Variants in ESF1 observed in about 807,000 individuals in gnomAD.
ESF1 encodes the protein ESF1 nucleolar pre-rRNA processing protein, also known as ESF1 homolog.
ESF1 carries 58 observed loss-of-function variants against 92.0 expected under a neutral mutation model. The ratio of observed to expected loss-of-function variants is 0.63; its 90% CI spans 0.51 to 0.78. The LOEUF (loss-of-function observed/expected upper bound fraction) is 0.78. Ranked by LOEUF, ESF1 falls within the 30% of genes least tolerant of loss-of-function variation. ESF1 has a pLI of 0.00. For synonymous variants in ESF1, 321 were observed against 313.7 expected (o/e 1.02, Z -0.24); for missense variants, 922 against 989.1 (o/e 0.93, Z 0.91).
In ESF1 at chr20:13,783,151, T is replaced by C; in HGVS notation, c.-11A>G. The C allele has an allele frequency of 6.3e-7, 1 of 1,588,232 alleles. No homozygotes were observed. Among genetic ancestry groups the C allele is most frequent in the Non-Finnish European group, 8.6e-7 (1 of 1,164,950 alleles). ...TTGTTTGGATGACATTTTTAATTCT[T>C]AATCTCGACCAAATGCTTGAAGAAA... On this transcript the variant is annotated 5_prime_UTR_variant, in exon 2 of 14. Transcript: ENST00000617257.
At chr20:13,752,728 G>A (rs373836573) in intron 9 of ESF1, among the ~76,000 whole-genome samples, 7 of 152,344 alleles carry the variant, frequency 4.6e-5, no homozygotes, top group African/African-American at 1.7e-4. Flanking sequence ...AAGCTACTCA[G>A]TGGAACAACT....
chr20:13,741,419 AG>A (rs1221948177), intron 9 of ESF1, among the ~76,000 whole-genome samples: 1 of 152,286 alleles, frequency 6.6e-6, no homozygotes, highest in Non-Finnish European at 1.5e-5. Context: ...TTCTTCATCC[AG>A]TTTTCTGAAG....
chr20:13,714,647 T>C lies in ESF1; in HGVS notation c.*227A>G, dbSNP rs1015260081. The C allele has an allele frequency of 7.4e-6, 3 of 405,548 alleles. No individual in the cohort carries two copies. The highest frequency in any genetic ancestry group is 1.3e-5 in the Non-Finnish European group (3 of 228,968). The allele number at this position is 405,548 out of a possible 1,614,324, so 25.1% of individuals were successfully genotyped here. ...AAATATAAAAATTTTATAAACCCTA[T>C]AATGCAGGTAATTTAATTATGACTG... is the stretch of plus-strand genomic sequence containing the variant. On this transcript the variant is annotated 3_prime_UTR_variant, in exon 14 of 14. Transcript: ENST00000617257.
In ESF1 at chr20:13,772,623, G is replaced by GA. The variant is rs1568727871; in HGVS notation, c.1150-9dup. On this transcript the variant is annotated splice_polypyrimidine_tract_variant and intron_variant, in intron 4 of 13. Transcript: ENST00000617257. ...AAATTCTGAAGGATATATCTAAACA[G>GA]AAAAAAATAGGATCAATGTAATTTG... is the stretch of plus-strand genomic sequence containing the variant. 2 of 1,567,382 alleles carry GA rather than the reference G, an allele frequency of 1.3e-6. No homozygotes were observed. The highest frequency in any genetic ancestry group is 8.8e-7 in the Non-Finnish European group (1 of 1,140,332).
chr20:13,781,672 C>G (rs990885398), intron 2 of ESF1, among the ~76,000 whole-genome samples: 3 of 152,186 alleles, frequency 2.0e-5, no homozygotes, highest in Non-Finnish European at 4.4e-5. Context: ...CCTGGGAGCT[C>G]TGTGTGTCCA....
chr20:13,723,032 A>T (rs1185955701), intron 11 of ESF1, among the ~76,000 whole-genome samples: 4 of 152,216 alleles, frequency 2.6e-5, no homozygotes, highest in Non-Finnish European at 5.9e-5. Flanking sequence ...AAAAAATGTA[A>T]CAGAATACAT....
intron 9 of ESF1, among the ~76,000 whole-genome samples, chr20:13,737,190 G>C (rs561563622): frequency 1.5e-4 from 23 of 152,224 alleles, no homozygotes; most frequent in South Asian, 2.1e-4. Flanking sequence ...CATATCCAAG[G>C]ACTTCTGAAT....
At chr20:13,745,102 G>A (rs887018542) in intron 9 of ESF1, among the ~76,000 whole-genome samples, 1 of 152,166 alleles carries the variant, frequency 6.6e-6, no homozygotes, top group African/African-American at 2.4e-5. Context: ...GAAAAAGCCT[G>A]ATAATATCAG....
At chr20:13,776,542 A>C (rs1240616628) in intron 2 of ESF1, among the ~76,000 whole-genome samples, 2 of 152,202 alleles carry the variant, frequency 1.3e-5, no homozygotes, top group Non-Finnish European at 2.9e-5. Flanking sequence ...CCAGACATTC[A>C]TTCAATACTT....
intron 7 of ESF1, 147 bp downstream of exon 7, chr20:13,769,760 T>A (rs752959065): frequency 1.6e-6 from 1 of 640,944 alleles, no homozygotes; most frequent in Non-Finnish European, 2.7e-6. Flanking sequence ...CACTCCAGCC[T>A]GGGTGAGAGA....
At chr20:13,776,615 A>G (rs1979955607) in intron 2 of ESF1, among the ~76,000 whole-genome samples, 1 of 152,214 alleles carries the variant, frequency 6.6e-6, no homozygotes, top group Non-Finnish European at 1.5e-5. Context: ...AGAAGCAAAC[A>G]GTGCTCTCAG....
intron 10 of ESF1, among the ~76,000 whole-genome samples, chr20:13,731,958 CT>C (rs1418181476): frequency 8.3e-4 from 126 of 152,346 alleles, no homozygotes; most frequent in Non-Finnish European, 1.8e-4. Flanking sequence ...TCCCCCATAC[CT>C]TACCCTATTT....
At chr20:13,722,913 T>C (rs2049877570) in intron 11 of ESF1, among the ~76,000 whole-genome samples, 1 of 151,912 alleles carries the variant, frequency 6.6e-6, no homozygotes. Context: ...AAAATACATA[T>C]GGATTGATTC....
rs979843227 is a variant in ESF1, at chr20:13,775,259, T to G, written c.1047A>C (p.Arg349=). ...CCCAGTCCATGTTACAAACTGCTAA[T>G]CGACGTGTAATCTGAGAAATGAGAA... ...DAPRADEITR[R]LAVCNMDWDR... The change falls in exon 4 of 14, where the codon CGA becomes CGC. Residue 349 remains arginine (R), a synonymous_variant. Coordinates refer to ENST00000617257, the MANE Select transcript of ESF1 (RefSeq NM_001276380.2). 6.3e-6 allele frequency: 10 copies of G among 1,599,786 alleles called. No individual in the cohort carries two copies. Among genetic ancestry groups the G allele is most frequent in the African/African-American group, 1.3e-5 (1 of 74,444 alleles).
At position 13,783,020 on chromosome 20, in the gene ESF1, T is replaced by G; in HGVS notation, c.121A>C (p.Met41Leu). ...AACTTGAACTTCTTGTCATGAAACA[T>G]GGCTCGAAATCTCTTGTCAATTTTG... The part of the protein sequence containing the change: ...KVKIDKRFRA[M>L]FHDKKFKLNY... Residue 41 changes from methionine (M) to leucine (L), a missense_variant, in exon 2 of 14, where the codon ATG (methionine) becomes CTG (leucine). By Grantham distance (15) the Met-to-Leu change is conservative (BLOSUM62 2). Coordinates refer to ENST00000617257, the MANE Select transcript of ESF1 (RefSeq NM_001276380.2). 1 of 1,614,184 alleles carries G rather than the reference T, an allele frequency of 6.2e-7. No individual in the cohort carries two copies. Among genetic ancestry groups the G allele is most frequent in the Non-Finnish European group, 8.5e-7 (1 of 1,180,030 alleles).
intron 11 of ESF1, among the ~76,000 whole-genome samples, chr20:13,724,762 T>C (rs569600870): frequency 6.6e-6 from 1 of 152,350 alleles, no homozygotes; most frequent in African/African-American, 2.4e-5. Flanking sequence ...AAATATTTTG[T>C]AACATGCTGA....
chr20:13,733,326 TG>T (rs1241255028), intron 10 of ESF1, among the ~76,000 whole-genome samples: 1 of 152,214 alleles, frequency 6.6e-6, no homozygotes, highest in Non-Finnish European at 1.5e-5. Context: ...ATGGAAAGTA[TG>T]GCATAATTTC....
At chr20:13,716,790 G>A (rs1381786102) in intron 13 of ESF1, among the ~76,000 whole-genome samples, 10 of 124,084 alleles carry the variant, frequency 8.1e-5, no homozygotes, top group East Asian at 7.5e-4. Context: ...ACAGGTGTGC[G>A]CCACTATACC....
At chr20:13,782,259 T>C (rs889332473) in intron 2 of ESF1, among the ~76,000 whole-genome samples, 3 of 152,202 alleles carry the variant, frequency 2.0e-5, no homozygotes, top group African/African-American at 7.2e-5. Context: ...TAGTTCTCAT[T>C]AGGGCTCACC....
Sources: allele counts gnomAD v4.1 joint callset (sites outside exome capture counted in the v4.1 genomes callset), GRCh38; gene constraint gnomAD v4.1.1; transcripts MANE v1.5; gene names NCBI Gene and HGNC (gene_info 2026-07-23, HGNC 2026-07-21).